FAT4: variants seen among roughly 807,000 people sequenced by gnomAD.
The protein encoded by FAT4 is FAT atypical cadherin 4.
Under a neutral mutation model 303.9 loss-of-function variants are expected in FAT4, and 84 were observed. The ratio of observed to expected loss-of-function variants is 0.28; its 90% CI spans 0.23 to 0.33. FAT4 has a LOEUF of 0.33. Among genes scored for constraint, FAT4 ranks in the 10% least tolerant of loss-of-function variants. The pLI, the probability that FAT4 is intolerant of heterozygous loss-of-function variation, is 1.00. For synonymous variants in FAT4, 2,307 were observed against 2,298.8 expected (o/e 1.00, Z -0.10); for missense variants, 6,005 against 6,146.8 (o/e 0.98, Z 0.77).
At position 125,450,893 on chromosome 4, in the gene FAT4, G is replaced by A; in HGVS notation, c.9883G>A (p.Glu3295Lys). The change falls in exon 10 of 18, where the codon GAA becomes AAA. Residue 3295 changes from glutamate to lysine, a missense_variant. By Grantham distance (56) the Glu-to-Lys change is moderately conservative. Coordinates refer to ENST00000394329, the MANE Select transcript of FAT4 (RefSeq NM_001291303.3). ...TAATATACAATTAAAAGGGACAAAT[G>A]AATATGTGCCCCGTTTTGTTTCCAA... ...TVNIQLKGTN[E>K]YVPRFVSKLY... is the part of the protein sequence containing the mutation. The A allele has an allele frequency of 1.2e-6, 2 of 1,614,134 alleles. No homozygotes were observed. Among genetic ancestry groups the A allele is most frequent in the Non-Finnish European group, 1.7e-6 (2 of 1,180,008 alleles).
chr4:125,424,449 G>A (rs1249780663), intron 7 of FAT4, among the ~76,000 whole-genome samples: 2 of 152,104 alleles, frequency 1.3e-5, no homozygotes, highest in African/African-American at 4.8e-5. Flanking sequence ...GTTTCCTGAG[G>A]CCTCCCCAGC....
At chr4:125,324,980 C>T (rs987534205) in intron 2 of FAT4, among the ~76,000 whole-genome samples, 1 of 151,942 alleles carries the variant, frequency 6.6e-6, no homozygotes, top group Non-Finnish European at 1.5e-5. Context: ...ATATCTAGCT[C>T]AATAGAATAC....
At position 125,448,854 on chromosome 4, in the gene FAT4, A is replaced by G; in HGVS notation, c.7844A>G (p.Gln2615Arg). 6.2e-7 allele frequency: 1 copy of G among 1,608,506 alleles called. No homozygotes were observed. Among genetic ancestry groups the G allele is most frequent in the Non-Finnish European group, 8.5e-7 (1 of 1,179,318 alleles). ...AGTGGGAATCTTGGCAATACTTTCC[A>G]GATTGATCAGTTAACAGGGCAGGTG... is the stretch of plus-strand genomic sequence containing the variant. ...IASGNLGNTF[Q>R]IDQLTGQVSI... is the part of the protein sequence containing the mutation. The change falls in exon 10 of 18, where the codon CAG becomes CGG. Residue 2615 changes from glutamine (Q) to arginine (R), a missense_variant. Gln to Arg is a conservative substitution (Grantham distance 43). Coordinates refer to ENST00000394329, the MANE Select transcript of FAT4 (RefSeq NM_001291303.3).
At chr4:125,409,456 A>T (rs759907568) in intron 5 of FAT4, among the ~76,000 whole-genome samples, 1 of 152,048 alleles carries the variant, frequency 6.6e-6, no homozygotes. Context: ...GGGTTTCTCC[A>T]TGTTGGTCAG....
At chr4:125,423,612 C>A (rs1046695496) in intron 7 of FAT4, among the ~76,000 whole-genome samples, 1 of 152,196 alleles carries the variant, frequency 6.6e-6, no homozygotes, top group Non-Finnish European at 1.5e-5. Flanking sequence ...GGGGCATTGC[C>A]TCATGGAGCT....
At chr4:125,382,611 G>C (rs1464938309) in intron 2 of FAT4, among the ~76,000 whole-genome samples, 2 of 152,174 alleles carry the variant, frequency 1.3e-5, no homozygotes, top group Non-Finnish European at 2.9e-5. Context: ...AGGATTTTCA[G>C]AATGGTAAAA....
At chr4:125,476,957 ATAT>A (rs777867873) in intron 13 of FAT4, among the ~76,000 whole-genome samples, 195 bp from the exon 14 acceptor site, 6 of 151,952 alleles carry the variant, frequency 3.9e-5, no homozygotes, top group South Asian at 2.1e-4. Context: ...ATTTCCATAA[ATAT>A]TATTATTTTT....
chr4:125,423,168 C>G (rs1235697102), intron 7 of FAT4, among the ~76,000 whole-genome samples: 2 of 152,174 alleles, frequency 1.3e-5, no homozygotes, highest in Non-Finnish European at 2.9e-5. Flanking sequence ...GAAATTCAAG[C>G]CCACTGCAGA....
In FAT4 at chr4:125,450,900, T is replaced by G; in HGVS notation, c.9890T>G (p.Val3297Gly). Residue 3297 changes from valine to glycine, a missense_variant, in exon 10 of 18, where the codon GTG (valine) becomes GGG (glycine). By Grantham distance (109) the Val-to-Gly change is moderately radical. Transcript: ENST00000394329. Reference sequence around the variant, plus strand: ...CAATTAAAAGGGACAAATGAATATGTGCCCCGTTTTGTTTCCAAACTTTAC... The same window carrying G: ...CAATTAAAAGGGACAAATGAATATGGGCCCCGTTTTGTTTCCAAACTTTAC... ...NIQLKGTNEY[V>G]PRFVSKLYYF... The G allele has an allele frequency of 6.2e-7, 1 of 1,614,046 alleles. No individual in the cohort carries two copies.
chr4:125,426,626 A>G (rs1027137233), intron 7 of FAT4, among the ~76,000 whole-genome samples: 1 of 152,070 alleles, frequency 6.6e-6, no homozygotes, highest in African/African-American at 2.4e-5. Flanking sequence ...TCTACATAGA[A>G]TTTTATTTGT....
At chr4:125,367,017 T>C (rs1232073430) in intron 2 of FAT4, among the ~76,000 whole-genome samples, 1 of 152,118 alleles carries the variant, frequency 6.6e-6, no homozygotes, top group African/African-American at 2.4e-5. Flanking sequence ...GTCAGATGCA[T>C]AGTTTGCAAA....
intron 2 of FAT4, among the ~76,000 whole-genome samples, chr4:125,360,196 C>T (rs1422571966): frequency 1.3e-5 from 2 of 152,098 alleles, no homozygotes; most frequent in Non-Finnish European, 2.9e-5. Flanking sequence ...TTGCTAGCAC[C>T]AGCACTTCCA....
In FAT4 at chr4:125,321,091, T is replaced by C. The variant is rs374813760; in HGVS notation, c.4680T>C (p.Asn1560=). 6.2e-7 allele frequency: 1 copy of C among 1,614,152 alleles called. No individual in the cohort carries two copies. Among genetic ancestry groups the C allele is most frequent in the Non-Finnish European group, 8.5e-7 (1 of 1,180,000 alleles). The part of the protein sequence containing the change: ...IMAADPDEGA[N]GEIEYEIING... ...CTGCTGACCCAGATGAAGGTGCTAATGGAGAAATAGAGTATGAGATCATCA... is the reference window on the plus strand; with the variant it reads ...CTGCTGACCCAGATGAAGGTGCTAACGGAGAAATAGAGTATGAGATCATCA... Residue 1560 remains asparagine, a synonymous_variant, in exon 2 of 18, where the codon AAT becomes AAC. Transcript: ENST00000394329.
chr4:125,364,687 A>C (rs1306993737), intron 2 of FAT4, among the ~76,000 whole-genome samples: 1 of 151,988 alleles, frequency 6.6e-6, no homozygotes, highest in Non-Finnish European at 1.5e-5. Context: ...AACGCATACA[A>C]CTCTGTATAA....
At chr4:125,332,419 A>T (rs1034005261) in intron 2 of FAT4, among the ~76,000 whole-genome samples, 5 of 152,096 alleles carry the variant, frequency 3.3e-5, no homozygotes, top group Non-Finnish European at 7.4e-5. Context: ...ATAACCCCTT[A>T]AGTGAAGTTA....
chr4:125,317,588 A>G lies in FAT4; in HGVS notation c.1177A>G (p.Asn393Asp), dbSNP rs773786553. The G allele has an allele frequency of 6.2e-7, 1 of 1,613,804 alleles. No homozygotes were observed. Among genetic ancestry groups the G allele is most frequent in the South Asian group, 1.1e-5 (1 of 91,038 alleles). The change falls in exon 2 of 18, where the codon AAC (asparagine) becomes GAC (aspartate). Residue 393 changes from asparagine (N) to aspartate (D), a missense_variant. Coordinates refer to ENST00000394329, the MANE Select transcript of FAT4 (RefSeq NM_001291303.3). The surrounding 1 kb of genome is among the most constrained non-coding windows in gnomAD (Gnocchi z 7.0). Reference sequence around the variant, plus strand: ...CGCAGATTCTCCCGCGGCCAACGGGAACATCTCCGTGCAAATTCTCGGGGG... The same window carrying G: ...CGCAGATTCTCCCGCGGCCAACGGGGACATCTCCGTGCAAATTCTCGGGGG... The part of the protein sequence containing the change: ...TDADSPAANG[N>D]ISVQILGGNE...
chr4:125,384,399 C>T (rs1186440930), intron 2 of FAT4, among the ~76,000 whole-genome samples: 1 of 152,062 alleles, frequency 6.6e-6, no homozygotes, highest in Non-Finnish European at 1.5e-5. Flanking sequence ...ATTTTCATAT[C>T]TCAAATGACT....
intron 17 of FAT4, 31 bp from the exon 18 acceptor site, chr4:125,489,870 T>TTTTTTTTTTTTTTA: frequency 8.4e-7 from 1 of 1,185,628 alleles, no homozygotes; most frequent in African/African-American, 1.8e-5. Flanking sequence ...TTTTTTTTTG[T>TTTTTTTTTTTTTTA]AAAAAGCCTT....
intron 7 of FAT4, among the ~76,000 whole-genome samples, chr4:125,419,780 C>A (rs578201547): frequency 6.6e-6 from 1 of 152,090 alleles, no homozygotes; most frequent in Non-Finnish European, 1.5e-5. Context: ...CATTTAGTAT[C>A]ATCACATTAT....
Sources: gnomAD v4.1 joint callset for allele counts (sites outside exome capture counted in the v4.1 genomes callset) on GRCh38, gnomAD v4.1.1 for gene constraint, Gnocchi (gnomAD v3.1) non-coding constraint, MANE v1.5 for transcripts, NCBI Gene and HGNC (gene_info 2026-07-23, HGNC 2026-07-21) for gene names.